The following DNAH12 variants were observed in gnomAD, a reference collection of about 807,000 sequenced individuals.
The protein encoded by DNAH12 is dynein axonemal heavy chain 12.
In DNAH12, 285 loss-of-function variants were observed where a neutral mutation model predicts 371.5. The ratio of observed to expected loss-of-function variants is 0.77; its 90% confidence interval spans 0.70 to 0.85. The LOEUF is 0.85. DNAH12 is among the 40% of genes least tolerant of loss of function. DNAH12 has a pLI of 0.00. For missense variants in DNAH12, 3,611 were observed against 3,689.4 expected (o/e 0.98, Z 0.55); for synonymous variants, 1,200 against 1,213.0 (o/e 0.99, Z 0.22).
At chr3:57,412,592 A>G (rs1553683376) in intron 39 of DNAH12, among the ~76,000 whole-genome samples, 1 of 152,206 alleles carries the variant, frequency 6.6e-6, no homozygotes, top group African/African-American at 2.4e-5. Context: ...AAACTAAATG[A>G]TAAGAAAGCA....
chr3:57,401,393 C>CAAAAAAAAAA (rs1172591337), intron 43 of DNAH12, among the ~76,000 whole-genome samples: 4 of 120,042 alleles, frequency 3.3e-5, no homozygotes, highest in Non-Finnish European at 5.3e-5. Flanking sequence ...TACTAAAATA[C>CAAAAAAAAAA]AAAAAAAAAA....
At chr3:57,383,008 A>G in intron 49 of DNAH12, among the ~76,000 whole-genome samples, 1 of 152,202 alleles carries the variant, frequency 6.6e-6, no homozygotes, top group Admixed American at 6.5e-5. Context: ...TAGAATTCAG[A>G]CAAATGGGGA....
intron 43 of DNAH12, among the ~76,000 whole-genome samples, chr3:57,401,183 A>G (rs1341390486): frequency 6.6e-6 from 1 of 152,058 alleles, no homozygotes; most frequent in Non-Finnish European, 1.5e-5. Context: ...AAACAAAAAC[A>G]AACAAACCAA....
intron 73 of DNAH12, among the ~76,000 whole-genome samples, chr3:57,294,705 A>C (rs551413355): frequency 1.3e-5 from 2 of 152,224 alleles, no homozygotes; most frequent in Admixed American, 6.5e-5. Context: ...GAAGAAGCTG[A>C]CGTTTCTATT....
At chr3:57,424,299 G>A (rs971007903) in intron 35 of DNAH12, among the ~76,000 whole-genome samples, 5 of 150,912 alleles carry the variant, frequency 3.3e-5, no homozygotes, top group African/African-American at 1.2e-4. Context: ...GTGAAACCCT[G>A]CCTTTACTAA....
intron 58 of DNAH12, among the ~76,000 whole-genome samples, chr3:57,363,230 G>T (rs1380197448): frequency 1.8e-4 from 27 of 152,116 alleles, no homozygotes; most frequent in African/African-American, 6.5e-4. Flanking sequence ...GCCATATGTA[G>T]AAAGCTGAAA....
chr3:57,496,288 A>T (rs1192269435), intron 11 of DNAH12, among the ~76,000 whole-genome samples: 1 of 152,124 alleles, frequency 6.6e-6, no homozygotes, highest in Non-Finnish European at 1.5e-5. Flanking sequence ...ATACTATGAG[A>T]TAATAAAGTC....
intron 45 of DNAH12, among the ~76,000 whole-genome samples, chr3:57,388,414 TA>T (rs2063538660): frequency 6.6e-6 from 1 of 152,196 alleles, no homozygotes; most frequent in Non-Finnish European, 1.5e-5. Flanking sequence ...AATATGCTTA[TA>T]ATTTTTTTCC....
At chr3:57,482,897 G>A (rs2066794829) in intron 13 of DNAH12, among the ~76,000 whole-genome samples, 1 of 120,026 alleles carries the variant, frequency 8.3e-6, no homozygotes, top group East Asian at 2.8e-4. Context: ...ACAGGAAGGG[G>A]AACATCACAC....
At position 57,334,945 on chromosome 3, in the gene DNAH12, A is replaced by G. The variant is rs1460070952; in HGVS notation, c.9675-5T>C. The G allele has an allele frequency of 2.6e-6, 4 of 1,538,536 alleles. No individual in the cohort carries two copies. Among genetic ancestry groups the G allele is most frequent in the East Asian group, 4.9e-5 (2 of 40,866 alleles). ...TATTCAATCTCTTTCCTTGCCCTGT[A>G]TTCCCAAAATAAGGACTGTTATATA... On this transcript the variant is annotated splice_polypyrimidine_tract_variant and splice_region_variant and intron_variant, in intron 60 of 73. Coordinates refer to ENST00000495027, the MANE Select transcript of DNAH12 (RefSeq NM_001366028.2).
chr3:57,344,524 AG>A (rs1216731769), intron 60 of DNAH12, among the ~76,000 whole-genome samples: 2 of 152,202 alleles, frequency 1.3e-5, no homozygotes, highest in Non-Finnish European at 2.9e-5. Context: ...ACAATAACCA[AG>A]GTATGGAATC....
rs2065859846 is a variant in DNAH12, at chr3:57,454,891, A to G, written c.3340T>C (p.Tyr1114His). Residue 1114 changes from tyrosine to histidine, a missense_variant, in exon 23 of 74, where the codon TAT (tyrosine) becomes CAT (histidine). This residue lies in a region of DNAH12 where 1,314 missense variants were observed against 1,398.7 expected (regional missense o/e 0.94). Transcript: ENST00000495027. The stretch of plus-strand genomic sequence containing the variant: ...CAGTCTCTTCTTGCAGATTCTGGAT[A>G]AGCCTGAACAATTAAAATAAATTTC... ...HDVIAAARLA[Y>H]PESARRDWVR... 1 of 1,535,402 alleles carries G rather than the reference A, an allele frequency of 6.5e-7. No individual in the cohort carries two copies. The highest frequency in any genetic ancestry group is 8.8e-7 in the Non-Finnish European group (1 of 1,142,748).
chr3:57,526,358 T>C (rs1390006435), intron 2 of DNAH12, among the ~76,000 whole-genome samples: 2 of 152,142 alleles, frequency 1.3e-5, no homozygotes, highest in African/African-American at 4.8e-5. Context: ...GGTACTCCAT[T>C]ATGTATATGT....
the DNAH12 span, among the ~76,000 whole-genome samples, chr3:57,554,169 C>T: frequency 7.4e-6 from 1 of 135,674 alleles, no homozygotes; most frequent in South Asian, 2.2e-4. Flanking sequence ...CACCTGTAAT[C>T]TCAGCTACTT....
At chr3:57,380,221 C>T (rs948559712) in intron 51 of DNAH12, 57 bp downstream of exon 51, 9 of 152,044 alleles carry the variant, frequency 5.9e-5, no homozygotes, top group African/African-American at 1.9e-4. Context: ...ATAATATTAA[C>T]GTTCTTAAAC....
chr3:57,307,219 G>T (rs566257910), intron 69 of DNAH12, among the ~76,000 whole-genome samples: 1 of 141,334 alleles, frequency 7.1e-6, no homozygotes, highest in African/African-American at 2.7e-5. Context: ...CCTAGGCATG[G>T]TTAGATACGA....
intron 60 of DNAH12, among the ~76,000 whole-genome samples, chr3:57,343,076 G>GAA (rs113412545): frequency 6.9e-6 from 1 of 144,384 alleles, no homozygotes; most frequent in African/African-American, 2.5e-5. Context: ...TGTCTCAAAA[G>GAA]AAAAAAAAAA....
chr3:57,422,372 C>T (rs1042688479), intron 35 of DNAH12, among the ~76,000 whole-genome samples: 3 of 152,138 alleles, frequency 2.0e-5, no homozygotes, highest in South Asian at 2.1e-4. Context: ...GGACTACAGG[C>T]GCCCACCACC....
intron 65 of DNAH12, among the ~76,000 whole-genome samples, chr3:57,314,952 T>A (rs535351689): frequency 6.6e-6 from 1 of 152,324 alleles, no homozygotes; most frequent in East Asian, 1.9e-4. Context: ...AATACTTAAA[T>A]GTTATTCTGT....
Sources: allele counts gnomAD v4.1 joint callset (sites outside exome capture counted in the v4.1 genomes callset), GRCh38; gene constraint gnomAD v4.1.1; regional missense constraint gnomAD v4.1.1; transcripts MANE v1.5; gene names NCBI Gene and HGNC (gene_info 2026-07-23, HGNC 2026-07-21).